ALDH3A2: variants seen among roughly 807,000 people sequenced by gnomAD.
ALDH3A2 encodes the protein aldehyde dehydrogenase family 3 member A2.
Under a neutral mutation model 51.3 loss-of-function variants are expected in ALDH3A2, and 36 were observed. That is an observed-to-expected ratio of 0.70 (90% CI 0.54 to 0.93). ALDH3A2 has a LOEUF of 0.93. ALDH3A2 is among the 40% of genes least tolerant of loss of function. The probability of loss-of-function intolerance (pLI) is 0.00; values close to 1 mark genes in which losing one functional copy is unlikely to be tolerated. For missense variants in ALDH3A2, 552 were observed against 603.1 expected (o/e 0.92, Z 0.89); for synonymous variants, 199 against 219.8 (o/e 0.91, Z 0.84).
chr17:19,656,841 T>A (rs780785344), intron 4 of ALDH3A2, among the ~76,000 whole-genome samples: 1 of 152,202 alleles, frequency 6.6e-6, no homozygotes, highest in Non-Finnish European at 1.5e-5. Flanking sequence ...TACAGCTAGA[T>A]CTAGCAAGAA....
intron 8 of ALDH3A2, among the ~76,000 whole-genome samples, chr17:19,669,746 C>T (rs1034896): frequency 0.21 from 31,205 of 151,998 alleles, 3,641 homozygotes; most frequent in East Asian, 0.39. Flanking sequence ...ACAATCTTCC[C>T]GCCTCAGCCT....
rs779682734 is a variant in ALDH3A2 at position 19,651,771 on chromosome 17, CGCT to C, written c.381_383del (p.Ala128del). On this transcript the variant is annotated inframe_deletion, in exon 2 of 10. Transcript: ENST00000176643. The stretch of plus-strand genomic sequence containing the variant: ...CCATTCAGCCACTGATAGGAGCCAT[CGCT>C]GCAGGTCTGGTGCCACCTTATGTCT... 6.2e-7 allele frequency: 1 copy of C among 1,613,930 alleles called. No homozygotes were observed. Among genetic ancestry groups the C allele is most frequent in the East Asian group, 2.2e-5 (1 of 44,882 alleles).
At chr17:19,648,201 G>C (rs866274433), upstream of ALDH3A2, 49 of 152,410 alleles carry the variant, frequency 3.2e-4, no homozygotes, top group African/African-American at 1.2e-3. Context: ...CCGCTGTCCC[G>C]GCTCCGCGGG....
In ALDH3A2 at chr17:19,648,773, C is replaced by T. The variant is rs968635154; in HGVS notation, c.-199C>T. 11 of 701,468 alleles carry T rather than the reference C, an allele frequency of 1.6e-5. No individual in the cohort carries two copies. The Admixed American group carries it at 1.9e-4, about 12-fold the overall frequency. The allele number at this position is 701,468 out of a possible 1,614,324, so 43.5% of individuals were successfully genotyped here. On this transcript the variant is annotated 5_prime_UTR_variant, in exon 1 of 10. Transcript: ENST00000176643. ...CTCAGTCCTCCCCCGGCGCCTCCGA[C>T]TGGCAGTGGGACTCAGCGGGCGTGG... is the stretch of plus-strand genomic sequence containing the variant.
intron 8 of ALDH3A2, among the ~76,000 whole-genome samples, chr17:19,669,379 CT>C (rs748996082): frequency 1.3e-5 from 2 of 151,882 alleles, no homozygotes; most frequent in African/African-American, 2.4e-5. Flanking sequence ...AATAATTTAC[CT>C]TTTTTTTCCC....
At chr17:19,655,231 G>C (rs1364289373) in intron 3 of ALDH3A2, 1 of 152,226 alleles carries the variant, frequency 6.6e-6, no homozygotes, top group Non-Finnish European at 1.5e-5. Context: ...ACTTGTGATG[G>C]ATTGAGGCCA....
At chr17:19,663,197 C>A in intron 6 of ALDH3A2, 136 bp from the exon 7 acceptor site, 2 of 987,668 alleles carry the variant, frequency 2.0e-6, no homozygotes, top group Non-Finnish European at 3.1e-6. Flanking sequence ...CATCCACGTG[C>A]TCAGGATTTT....
intron 5 of ALDH3A2, among the ~76,000 whole-genome samples, chr17:19,660,323 C>G (rs987331963): frequency 4.6e-5 from 7 of 152,036 alleles, no homozygotes; most frequent in African/African-American, 1.7e-4. Context: ...TGGTGACTCT[C>G]GAGTCAGAGC....
At chr17:19,658,030 T>G (rs1182372971) in intron 5 of ALDH3A2, among the ~76,000 whole-genome samples, 168 bp downstream of exon 5, 1 of 152,262 alleles carries the variant, frequency 6.6e-6, no homozygotes, top group Non-Finnish European at 1.5e-5. Context: ...TACCATAGAA[T>G]ATATGCTGGG....
rs897308650 is a variant in ALDH3A2, at chr17:19,657,758, G to A, written c.694G>A (p.Gly232Arg). The A allele has an allele frequency of 1.9e-6, 3 of 1,612,880 alleles. No individual in the cohort carries two copies. Among genetic ancestry groups the A allele is most frequent in the Non-Finnish European group, 2.5e-6 (3 of 1,179,142 alleles). ...TTTTCCCCTCAGACGCATAACCTGG[G>A]GAAAATACATGAATTGTGGCCAAAC... ...LDIVCRRITW[G>R]KYMNCGQTCI... Residue 232 changes from glycine (G) to arginine (R), a missense_variant, in exon 5 of 10, where the codon GGA (glycine) becomes AGA (arginine). Gly to Arg is a moderately radical substitution (Grantham distance 125). Transcript: ENST00000176643.
chr17:19,670,022 A>G (rs2085091324), intron 8 of ALDH3A2, among the ~76,000 whole-genome samples: 1 of 152,204 alleles, frequency 6.6e-6, no homozygotes, highest in South Asian at 2.1e-4. Flanking sequence ...CAAAACCCAC[A>G]TATTCAACCA....
At position 19,671,974 on chromosome 17, in the gene ALDH3A2, A is replaced by C. The variant is rs376220319; in HGVS notation, c.1443+18A>C. On this transcript the variant is annotated intron_variant, in intron 9 of 9. Transcript: ENST00000176643. ...TTGTCAAGGTGAGTCCCTATAACCC[A>C]TGAGTGCCATTCAGTCTGGTCCTGG... The C allele has an allele frequency of 6.2e-7, 1 of 1,602,728 alleles. No individual in the cohort carries two copies. Among genetic ancestry groups the C allele is most frequent in the Non-Finnish European group, 8.5e-7 (1 of 1,169,720 alleles).
intron 6 of ALDH3A2, chr17:19,661,524 A>C: frequency 2.2e-6 from 1 of 449,938 alleles, no homozygotes; most frequent in Non-Finnish European, 4.0e-6. Flanking sequence ...TCCTCCTAAC[A>C]ATCCTGAGAA....
intron 9 of ALDH3A2, chr17:19,674,978 TC>T: frequency 6.5e-6 from 1 of 152,716 alleles, no homozygotes. Flanking sequence ...AAAGTAAAGT[TC>T]CAATAAAGCT....
At chr17:19,650,150 G>C (rs1021699160) in intron 1 of ALDH3A2, among the ~76,000 whole-genome samples, 2 of 152,162 alleles carry the variant, frequency 1.3e-5, no homozygotes, top group African/African-American at 4.8e-5. Flanking sequence ...GGCCTCAAGT[G>C]ATCCGCCTGC....
intron 2 of ALDH3A2, 52 bp from the exon 3 acceptor site, chr17:19,652,495 G>A (rs889271749): frequency 7.3e-7 from 1 of 1,368,344 alleles, no homozygotes; most frequent in African/African-American, 1.4e-5. Flanking sequence ...CATTTTGGTA[G>A]CTATTAAAGT....
intron 8 of ALDH3A2, 140 bp downstream of exon 8, chr17:19,665,187 C>G (rs2085019826): frequency 1.3e-6 from 1 of 769,558 alleles, no homozygotes; most frequent in Non-Finnish European, 2.2e-6. Flanking sequence ...TCCTGGTCAC[C>G]CAGTTGACTG....
At chr17:19,649,449 A>T in intron 1 of ALDH3A2, 2 of 292,512 alleles carry the variant, frequency 6.8e-6, no homozygotes, top group South Asian at 6.4e-5. Flanking sequence ...TTGTCAGTTT[A>T]CTGTATTGTG....
intron 1 of ALDH3A2, among the ~76,000 whole-genome samples, chr17:19,651,343 G>A (rs1377581348): frequency 6.6e-6 from 1 of 152,172 alleles, no homozygotes; most frequent in African/African-American, 2.4e-5. Flanking sequence ...AATAATCTTT[G>A]ATTTTTTTAA....
Sources: gnomAD v4.1 joint callset for allele counts (sites outside exome capture counted in the v4.1 genomes callset) on GRCh38, gnomAD v4.1.1 for gene constraint, MANE v1.5 for transcripts, NCBI Gene and HGNC (gene_info 2026-07-23, HGNC 2026-07-21) for gene names.